CEMIP: variants seen among roughly 807,000 people sequenced by gnomAD.
CEMIP encodes cell migration inducing hyaluronidase 1.
In CEMIP, 105 loss-of-function variants were observed where a neutral mutation model predicts 156.9. The observed-to-expected ratio is 0.67, with a 90% CI of 0.57 to 0.79. CEMIP has a LOEUF of 0.79. Among genes scored for constraint, CEMIP ranks in the 30% least tolerant of loss-of-function variants. The pLI, the probability that CEMIP is intolerant of heterozygous loss-of-function variation, is 0.00. For missense variants in CEMIP, 1,457 were observed against 1,769.4 expected, an observed-to-expected ratio of 0.82 and a Z score of 3.17; for synonymous variants, 676 against 668.4, an observed-to-expected ratio of 1.01 and a Z score of -0.17.
chr15:80,808,438 G>T (rs533139556), intron 1 of CEMIP, among the ~76,000 whole-genome samples: 1 of 152,258 alleles, frequency 6.6e-6, no homozygotes, highest in East Asian at 1.9e-4. Context: ...ACTTCAGGTG[G>T]GCAGGCAGGG....
At chr15:80,943,950 C>T (rs745574991) in intron 28 of CEMIP, among the ~76,000 whole-genome samples, 1 of 152,184 alleles carries the variant, frequency 6.6e-6, no homozygotes, top group South Asian at 2.1e-4. Flanking sequence ...CTCCCCACAT[C>T]GCCTCCTCGG....
intron 1 of CEMIP, among the ~76,000 whole-genome samples, chr15:80,861,540 C>T (rs1009079534): frequency 6.6e-6 from 1 of 152,152 alleles, no homozygotes; most frequent in Non-Finnish European, 1.5e-5. Flanking sequence ...CCACATTGGG[C>T]CAGGAACCCC....
Position 80,920,282 on chromosome 15 carries a change from G to A in CEMIP, c.1986G>A (p.Lys662=). The change falls in exon 15 of 30, where the codon AAG becomes AAA. Residue 662 remains lysine, a synonymous_variant. Transcript: ENST00000394685. ...ACTCCTACCCGGGGTACATCCCCAAGCCCAGGCAAGACTGCAAGTAAGTGC... is the reference window on the plus strand; with the variant it reads ...ACTCCTACCCGGGGTACATCCCCAAACCCAGGCAAGACTGCAAGTAAGTGC... The part of the protein sequence containing the change: ...TEDSYPGYIP[K]PRQDCNAVST... 1 of 1,614,086 alleles carries A rather than the reference G, an allele frequency of 6.2e-7. No homozygotes were observed. Among genetic ancestry groups the A allele is most frequent in the Non-Finnish European group, 8.5e-7 (1 of 1,179,966 alleles).
At chr15:80,860,241 C>T (rs1329877179) in intron 1 of CEMIP, among the ~76,000 whole-genome samples, 1 of 152,198 alleles carries the variant, frequency 6.6e-6, no homozygotes, top group African/African-American at 2.4e-5. Context: ...ACACATAGAA[C>T]CACTCCAATA....
chr15:80,828,959 T>C (rs1897096968), intron 1 of CEMIP, among the ~76,000 whole-genome samples: 1 of 152,210 alleles, frequency 6.6e-6, no homozygotes, highest in African/African-American at 2.4e-5. Flanking sequence ...CTGGCAACAA[T>C]GGCCTCTTCC....
At chr15:80,900,582 AGG>A (rs1237433044) in intron 12 of CEMIP, among the ~76,000 whole-genome samples, 19 of 49,884 alleles carry the variant, frequency 3.8e-4, no homozygotes, top group African/African-American at 1.3e-3. Flanking sequence ...AGCCCCAGGT[AGG>A]GGTGTGTGTG....
At position 80,873,646 on chromosome 15, in the gene CEMIP, T is replaced by G. The variant is rs984451619; in HGVS notation, c.-67T>G. On this transcript the variant is annotated 5_prime_UTR_variant, in exon 2 of 30. Coordinates refer to ENST00000394685, the MANE Select transcript of CEMIP (RefSeq NM_001293298.2). ...CACAGGCAGGACAACGGTAGGATTTTCATGCCCCGATCTGCCTGGCCTTGA... is the reference window on the plus strand; with the variant it reads ...CACAGGCAGGACAACGGTAGGATTTGCATGCCCCGATCTGCCTGGCCTTGA... The G allele has an allele frequency of 4.4e-5, 24 of 545,720 alleles. No homozygotes were observed. The highest frequency in any genetic ancestry group is 3.3e-4 in the Admixed American group (11 of 33,194). The allele number at this position is 545,720 out of a possible 1,614,324, so 33.8% of individuals were successfully genotyped here.
At chr15:80,811,022 T>C (rs1896660649) in intron 1 of CEMIP, among the ~76,000 whole-genome samples, 1 of 152,220 alleles carries the variant, frequency 6.6e-6, no homozygotes, top group Non-Finnish European at 1.5e-5. Context: ...ATTGATTTAA[T>C]AAACTACTTT....
intron 1 of CEMIP, among the ~76,000 whole-genome samples, chr15:80,836,640 C>G (rs1897276572): frequency 6.7e-6 from 1 of 149,042 alleles, no homozygotes; most frequent in Non-Finnish European, 1.5e-5. Context: ...GCCTCCTTAC[C>G]TCCTGGGTTT....
rs550073780 is a variant in CEMIP, at chr15:80,873,755, T to A, written c.-17+59T>A. The A allele has an allele frequency of 1.8e-5, 14 of 764,312 alleles. No homozygotes were observed. In the East Asian group the frequency reaches 3.8e-4, roughly 21 times the overall value. The allele number at this position is 764,312 out of a possible 1,614,324, so 47.3% of individuals were successfully genotyped here. A position where few individuals can be genotyped will look rare whatever the true frequency, so the allele number is the denominator to read the frequency against. On this transcript the variant is annotated intron_variant, in intron 2 of 29. Coordinates refer to ENST00000394685, the MANE Select transcript of CEMIP (RefSeq NM_001293298.2). ...AGTGTGCCCATTCTGTCACTGCCTG[T>A]CCCGTGTCTGTGTGTGTGCATGTGG...
chr15:80,873,543 AG>A lies in CEMIP; in HGVS notation c.-169del. The A allele has an allele frequency of 8.5e-6, 3 of 353,612 alleles. No individual in the cohort carries two copies. Among genetic ancestry groups the A allele is most frequent in the Non-Finnish European group, 1.6e-5 (3 of 184,200 alleles). 21.9% of individuals were successfully genotyped at this position (353,612 alleles called of 1,614,324 possible). A position where few individuals can be genotyped will look rare whatever the true frequency, so the allele number is the denominator to read the frequency against. ...GCTCTGTTTCTTAACTTAAGAGAAA[AG>A]CTTCATTCTGGAGGGGAAGGAGTTT... On this transcript the variant is annotated 5_prime_UTR_variant, in exon 2 of 30. Transcript: ENST00000394685.
chr15:80,895,939 A>C lies in CEMIP; in HGVS notation c.1290A>C (p.Val430=). The C allele has an allele frequency of 1.2e-6, 2 of 1,614,208 alleles. No homozygotes were observed. Among genetic ancestry groups the C allele is most frequent in the Non-Finnish European group, 1.7e-6 (2 of 1,180,036 alleles). ...NSTILNLEDN[V]QSWKPGDTLV... is the part of the protein sequence containing the mutation. ...CCATTCTGAACTTGGAGGATAATGT[A>C]CAGTCATGGAAACCTGGAGATACCC... Residue 430 remains valine, a synonymous_variant, in exon 12 of 30, where the codon GTA becomes GTC. Transcript: ENST00000394685.
intron 1 of CEMIP, among the ~76,000 whole-genome samples, chr15:80,826,698 A>T (rs1006137125): frequency 1.3e-5 from 2 of 152,218 alleles, no homozygotes; most frequent in African/African-American, 4.8e-5. Context: ...CAGAGGCCAC[A>T]GTCATAGGCA....
chr15:80,829,988 G>GTGTGTGTGTGTGTGTGTGTGTGTGTT (rs1897121952), intron 1 of CEMIP, among the ~76,000 whole-genome samples: 2 of 135,942 alleles, frequency 1.5e-5, no homozygotes, highest in Admixed American at 1.5e-4. Context: ...GTGTGTGTGT[G>GTGTGTGTGTGTGTGTGTGTGTGTGTT]TGTGTGTGTG....
At chr15:80,866,688 A>G (rs1898137540) in intron 1 of CEMIP, among the ~76,000 whole-genome samples, 3 of 150,392 alleles carry the variant, frequency 2.0e-5, no homozygotes, top group Non-Finnish European at 4.4e-5. Context: ...TGGGAGGCTG[A>G]GGCAGGAGAA....
intron 1 of CEMIP, among the ~76,000 whole-genome samples, chr15:80,858,010 G>T (rs1021176532): frequency 3.3e-5 from 5 of 152,312 alleles, no homozygotes; most frequent in East Asian, 3.9e-4. Flanking sequence ...AAATGACAGA[G>T]AGGCCCATGT....
rs1898550338 is a variant in CEMIP, at chr15:80,878,759, C to T, written c.133C>T (p.Pro45Ser). Residue 45 changes from proline (P) to serine (S), a missense_variant, in exon 4 of 30, where the codon CCC becomes TCC. Physicochemically the swap from Pro to Ser is moderately conservative, Grantham distance 74 (BLOSUM62 -1). Coordinates refer to ENST00000394685, the MANE Select transcript of CEMIP (RefSeq NM_001293298.2). The part of the protein sequence containing the change: ...GCPDQSPELQ[P>S]WNPGHDQDHH... Reference sequence around the variant, plus strand: ...CCCTGACCAGAGCCCTGAGTTGCAACCCTGGAACCCTGGCCATGACCAAGA... The same window carrying T: ...CCCTGACCAGAGCCCTGAGTTGCAATCCTGGAACCCTGGCCATGACCAAGA... 6.2e-7 allele frequency: 1 copy of T among 1,614,168 alleles called. No individual in the cohort carries two copies. The highest frequency in any genetic ancestry group is 2.2e-5 in the East Asian group (1 of 44,888).
intron 1 of CEMIP, among the ~76,000 whole-genome samples, chr15:80,808,345 G>C (rs938458822): frequency 6.6e-6 from 1 of 152,134 alleles, no homozygotes; most frequent in Non-Finnish European, 1.5e-5. Context: ...TACATACAGC[G>C]CATCTGCCCC....
In CEMIP at chr15:80,865,365, A is replaced by G. The variant is rs1898097086; in HGVS notation, c.-175-8173A>G. On this transcript the variant is annotated intron_variant, in intron 1 of 29. Coordinates refer to ENST00000394685, the MANE Select transcript of CEMIP (RefSeq NM_001293298.2). ...CCCGGCTAATGTTTGTATTTTTAGT[A>G]GAGACGGAGTTTCACCATGCTGGCC... Among the ~76,000 whole-genome samples the G allele has an allele frequency of 3.3e-5, 5 of 152,024 alleles. 1 individual carries two copies. In the South Asian group the frequency reaches 1.0e-3, roughly 32 times the overall value.
Sources: gnomAD v4.1 joint callset for allele counts (sites outside exome capture counted in the v4.1 genomes callset) on GRCh38, gnomAD v4.1.1 for gene constraint, MANE v1.5 for transcripts, NCBI Gene and HGNC (gene_info 2026-07-23, HGNC 2026-07-21) for gene names.